Variants in SLC2A3 observed in about 807,000 individuals in gnomAD.
SLC2A3 encodes solute carrier family 2 member 3.
SLC2A3 carries 21 observed loss-of-function variants against 46.4 expected under a neutral mutation model. The ratio of observed to expected loss-of-function variants is 0.45; its 90% CI spans 0.32 to 0.65. SLC2A3 has a LOEUF of 0.65. Among genes scored for constraint, SLC2A3 ranks in the 30% least tolerant of loss-of-function variants. The pLI, the probability that SLC2A3 is intolerant of heterozygous loss-of-function variation, is 0.04. For missense variants in SLC2A3, 499 were observed against 623.3 expected (o/e 0.80, Z 2.12); for synonymous variants, 213 against 239.4 (o/e 0.89, Z 1.02).
In SLC2A3 at chr12:7,930,684, A is replaced by G. The variant is rs1946142729; in HGVS notation, c.511-42T>C. The stretch of plus-strand genomic sequence containing the variant: ...GATAATGCTATAAACCCCATACTTC[A>G]CAGGCCACAAGTTCATTAAAACACA... On this transcript the variant is annotated intron_variant, in intron 4 of 9. Transcript: ENST00000075120. 6 of 1,570,398 alleles carry G rather than the reference A, an allele frequency of 3.8e-6. 1 individual carries two copies. Among genetic ancestry groups the G allele is most frequent in the Non-Finnish European group, 5.2e-6 (6 of 1,157,070 alleles).
chr12:7,923,857 C>A (rs1395695434), intron 8 of SLC2A3, among the ~76,000 whole-genome samples: 2 of 150,888 alleles, frequency 1.3e-5, no homozygotes, highest in Admixed American at 6.6e-5. Context: ...CAACCTCTGC[C>A]TCCTGGGTTC....
intron 7 of SLC2A3, 80 bp downstream of exon 7, chr12:7,925,764 T>A (rs1223897728): frequency 2.3e-5 from 25 of 1,087,328 alleles, no homozygotes. Flanking sequence ...TAAATGATGG[T>A]AGGGTCATGC....
At chr12:7,933,720 T>C in intron 2 of SLC2A3, 90 bp downstream of exon 2, 1 of 1,397,724 alleles carries the variant, frequency 7.2e-7, no homozygotes, top group Non-Finnish European at 1.0e-6. Context: ...GATGCCACCA[T>C]GCCTGGCCTT....
At chr12:7,930,029 A>G in intron 5 of SLC2A3, 158 bp from the exon 6 acceptor site, 8 of 1,422,426 alleles carry the variant, frequency 5.6e-6, no homozygotes, top group Non-Finnish European at 7.4e-6. Flanking sequence ...TTTGTTGCCC[A>G]GGCTGGAGTG....
Position 7,925,853 on chromosome 12 carries a change from A to T in SLC2A3, c.957T>A (p.Thr319=). 6.2e-7 allele frequency: 1 copy of T among 1,611,768 alleles called. No individual in the cohort carries two copies. Among genetic ancestry groups the T allele is most frequent in the Non-Finnish European group, 8.5e-7 (1 of 1,178,106 alleles). The change falls in exon 7 of 10, where the codon ACT becomes ACA. Residue 319 remains threonine, a synonymous_variant. Coordinates refer to ENST00000075120, the MANE Select transcript of SLC2A3 (RefSeq NM_006931.3). ...AAACCATCCAACTTACAGAAACTAC[A>T]GTGAAGATAGTATTAACCACACCCG... ...IGAGVVNTIF[T]VVSLFLVERA...
Position 7,922,966 on chromosome 12 carries a change from A to C in SLC2A3, c.1127T>G (p.Phe376Cys), listed in dbSNP as rs1385678344. 6.2e-6 allele frequency: 10 copies of C among 1,613,988 alleles called. No homozygotes were observed. Among genetic ancestry groups the C allele is most frequent in the Middle Eastern group, 3.3e-4 (2 of 6,082 alleles). The change falls in exon 9 of 10, where the codon TTC (phenylalanine) becomes TGC (cysteine). Residue 376 changes from phenylalanine (F) to cysteine (C), a missense_variant. Coordinates refer to ENST00000075120, the MANE Select transcript of SLC2A3 (RefSeq NM_006931.3). ...CIGAILVFVAFFEIGPGPIPW... is the reference protein window; with the variant it reads ...CIGAILVFVACFEIGPGPIPW... ...AATGGGGCCTGGTCCAATTTCAAAGAAGGCTACAAAGACCAAGATAGCCCC... is the reference window on the plus strand; with the variant it reads ...AATGGGGCCTGGTCCAATTTCAAAGCAGGCTACAAAGACCAAGATAGCCCC...
At chr12:7,931,588 T>A in intron 3 of SLC2A3, 103 bp from the exon 4 acceptor site, 1 of 850,574 alleles carries the variant, frequency 1.2e-6, no homozygotes, top group Non-Finnish European at 1.6e-6. Flanking sequence ...ATATCATCCC[T>A]TTTTTTTTTA....
At position 7,929,653 on chromosome 12, in the gene SLC2A3, G is replaced by A. The variant is rs746684141; in HGVS notation, c.861+31C>T. On this transcript the variant is annotated intron_variant, in intron 6 of 9. Coordinates refer to ENST00000075120, the MANE Select transcript of SLC2A3 (RefSeq NM_006931.3). ...CGGCATTTTAAGTGAAATACTTTAA[G>A]ACACGTTTGACCCTAAAGTATCACA... is the stretch of plus-strand genomic sequence containing the variant. The A allele has an allele frequency of 1.2e-5, 20 of 1,611,350 alleles. No individual in the cohort carries two copies. The South Asian group carries it at 1.9e-4, about 15-fold the overall frequency.
rs1356201271 is a variant in SLC2A3, at chr12:7,919,879, AAC to A, written c.*1532_*1533del. 2.6e-5 allele frequency: 4 copies of A among 152,220 alleles called. No individual in the cohort carries two copies. Among genetic ancestry groups the A allele is most frequent in the South Asian group, 2.1e-4 (1 of 4,822 alleles). The allele number at this position is 152,220 out of a possible 1,614,324, so 9.4% of individuals were successfully genotyped here. ...ATATGAAAAAGGGGCTGTAGGAACA[AAC>A]ACAGAGAAAATAAGTCAACAATAAC... On this transcript the variant is annotated 3_prime_UTR_variant, in exon 10 of 10. Transcript: ENST00000075120.
At chr12:7,924,058 G>T (rs149695945) in intron 8 of SLC2A3, among the ~76,000 whole-genome samples, 1 of 152,022 alleles carries the variant, frequency 6.6e-6, no homozygotes, top group Non-Finnish European at 1.5e-5. Flanking sequence ...GTGAGCCACC[G>T]CGCCCAGCTG....
intron 7 of SLC2A3, 58 bp downstream of exon 7, chr12:7,925,786 G>T: frequency 7.5e-7 from 1 of 1,329,142 alleles, no homozygotes; most frequent in South Asian, 1.2e-5. Context: ...ATCCATCTTT[G>T]AACATCTGTA....
At chr12:7,928,645 T>C (rs1320057988) in intron 6 of SLC2A3, among the ~76,000 whole-genome samples, 4 of 152,054 alleles carry the variant, frequency 2.6e-5, no homozygotes, top group Non-Finnish European at 2.9e-5. Context: ...TTCTCAGGGC[T>C]ACACTTGCAC....
intron 8 of SLC2A3, among the ~76,000 whole-genome samples, chr12:7,924,023 C>T (rs1027039105): frequency 6.6e-6 from 1 of 152,056 alleles, no homozygotes; most frequent in African/African-American, 2.4e-5. Context: ...CTGCCTCACC[C>T]TCCCAGTGTG....
In SLC2A3 at chr12:7,920,402, T is replaced by C. The variant is rs764093499; in HGVS notation, c.*1011A>G. 1 of 152,134 alleles carries C rather than the reference T, an allele frequency of 6.6e-6. No homozygotes were observed. Among genetic ancestry groups the C allele is most frequent in the Admixed American group, 6.5e-5 (1 of 15,268 alleles). The allele number at this position is 152,134 out of a possible 1,614,324, so 9.4% of individuals were successfully genotyped here. A position where few individuals can be genotyped will look rare whatever the true frequency, so the allele number is the denominator to read the frequency against. ...TTTCATCCAGTGAGGGGAACAGGCT[T>C]TCTAGAAATCACTTTCTCTTCCCTG... is the stretch of plus-strand genomic sequence containing the variant. On this transcript the variant is annotated 3_prime_UTR_variant, in exon 10 of 10. Coordinates refer to ENST00000075120, the MANE Select transcript of SLC2A3 (RefSeq NM_006931.3).
In SLC2A3 at chr12:7,923,366, C is replaced by T. The variant is rs373550567; in HGVS notation, c.1069-342G>A. On this transcript the variant is annotated intron_variant, in intron 8 of 9. Transcript: ENST00000075120. The stretch of plus-strand genomic sequence containing the variant: ...AAAAAATTTTTTTTTTGGCCAGGAG[C>T]TGTGGCTCACGCCAAGGCAGGTGGA... 2.2e-4 allele frequency: 45 copies of T among 202,056 alleles called. No homozygotes were observed. In the South Asian group the frequency reaches 3.8e-3, roughly 17 times the overall value. The allele number at this position is 202,056 out of a possible 1,614,324, so 12.5% of individuals were successfully genotyped here. A position where few individuals can be genotyped will look rare whatever the true frequency, so the allele number is the denominator to read the frequency against.
In SLC2A3 at chr12:7,920,579, T is replaced by A. The variant is rs767999444; in HGVS notation, c.*834A>T. ...TCAGTAGCTTTATTATATAGGTATATGACTTTTACGAGAAGTTAAAGAGTT... is the reference window on the plus strand; with the variant it reads ...TCAGTAGCTTTATTATATAGGTATAAGACTTTTACGAGAAGTTAAAGAGTT... On this transcript the variant is annotated 3_prime_UTR_variant, in exon 10 of 10. Coordinates refer to ENST00000075120, the MANE Select transcript of SLC2A3 (RefSeq NM_006931.3). 6 of 152,170 alleles carry A rather than the reference T, an allele frequency of 3.9e-5. No individual in the cohort carries two copies. Among genetic ancestry groups the A allele is most frequent in the Non-Finnish European group, 8.8e-5 (6 of 68,036 alleles). The allele number at this position is 152,170 out of a possible 1,614,324, so 9.4% of individuals were successfully genotyped here.
Position 7,929,548 on chromosome 12 carries a change from T to C in SLC2A3, c.861+136A>G, listed in dbSNP as rs1475536299. 5 of 1,318,916 alleles carry C rather than the reference T, an allele frequency of 3.8e-6. 1 individual carries two copies. Among genetic ancestry groups the C allele is most frequent in the Admixed American group, 2.6e-5 (1 of 37,802 alleles). 81.7% of individuals were successfully genotyped at this position (1,318,916 alleles called of 1,614,324 possible). ...GGCATAATTATAGCTCACTGCAACC[T>C]GAAACTCCTGAGCTCAAGTGATCCT... On this transcript the variant is annotated intron_variant, in intron 6 of 9. Coordinates refer to ENST00000075120, the MANE Select transcript of SLC2A3 (RefSeq NM_006931.3).
intron 2 of SLC2A3, 161 bp from the exon 3 acceptor site, chr12:7,933,308 AATAGT>A: frequency 1.2e-6 from 1 of 839,634 alleles, no homozygotes; most frequent in Non-Finnish European, 1.8e-6. Flanking sequence ...CTCTCGCTGG[AATAGT>A]AATTCTATTT....
Position 7,929,828 on chromosome 12 carries a change from G to A in SLC2A3, c.717C>T (p.Ile239=). The change falls in exon 6 of 10, where the codon ATC becomes ATT. Residue 239 remains isoleucine (I), a synonymous_variant. Coordinates refer to ENST00000075120, the MANE Select transcript of SLC2A3 (RefSeq NM_006931.3). ...TTGCACTCTCATCTTTCATCTCCTG[G>A]ATGTCTTGGGATACATCCTGGGTGC... The part of the protein sequence containing the change: ...LWGTQDVSQD[I]QEMKDESARM... 3 of 1,613,616 alleles carry A rather than the reference G, an allele frequency of 1.9e-6. No individual in the cohort carries two copies. The South Asian group carries it at 3.3e-5, about 18-fold the overall frequency.
Sources: gnomAD v4.1 joint callset for allele counts (sites outside exome capture counted in the v4.1 genomes callset) on GRCh38, gnomAD v4.1.1 for gene constraint, MANE v1.5 for transcripts, NCBI Gene and HGNC (gene_info 2026-07-23, HGNC 2026-07-21) for gene names.